Variants in TMEM41A observed in about 807,000 individuals in gnomAD.
TMEM41A encodes the protein transmembrane protein 41A.
A neutral mutation model predicts 25.7 loss-of-function variants in TMEM41A; 20 were observed. The observed-to-expected ratio is 0.78, with a 90% CI of 0.55 to 1.13. The LOEUF (loss-of-function observed/expected upper bound fraction) is 1.13, where lower values mean the gene tolerates loss of function less well. Ranked by LOEUF, TMEM41A falls within the 50% of genes most tolerant of loss-of-function variation. TMEM41A has a pLI of 0.00. For missense variants in TMEM41A, 299 were observed against 314.3 expected, an observed-to-expected ratio of 0.95 and a Z score of 0.37; for synonymous variants, 133 against 139.6, an observed-to-expected ratio of 0.95 and a Z score of 0.33.
intron 4 of TMEM41A, 39 bp from the exon 5 acceptor site, chr3:185,491,796 C>A: frequency 1.3e-6 from 2 of 1,481,760 alleles, no homozygotes; most frequent in Non-Finnish European, 1.8e-6. Flanking sequence ...TTACAAGCAG[C>A]AGCAAAATTA....
chr3:185,496,475 G>A (rs984459628), intron 2 of TMEM41A: 6 of 350,384 alleles, frequency 1.7e-5, no homozygotes, highest in Non-Finnish European at 2.8e-5. Context: ...ACACAGGGCA[G>A]CCTCAAGGAG....
intron 3 of TMEM41A, 90 bp downstream of exon 3, chr3:185,495,064 G>T: frequency 6.8e-7 from 1 of 1,479,382 alleles, no homozygotes. Flanking sequence ...GAAGAGTACT[G>T]TGGGAAATCC....
At chr3:185,498,752 G>A (rs1719186764) in intron 1 of TMEM41A, 91 bp downstream of exon 1, 3 of 984,662 alleles carry the variant, frequency 3.0e-6, no homozygotes, top group Admixed American at 2.9e-5. Context: ...CTCCGATACC[G>A]GAACCCGAAT....
chr3:185,498,874 T>C lies in TMEM41A; in HGVS notation c.88A>G (p.Arg30Gly). The C allele has an allele frequency of 1.2e-6, 2 of 1,605,382 alleles. No individual in the cohort carries two copies. Among genetic ancestry groups the C allele is most frequent in the Non-Finnish European group, 1.7e-6 (2 of 1,176,962 alleles). The change falls in exon 1 of 5, where the codon AGA (arginine) becomes GGA (glycine). Residue 30 changes from arginine (R) to glycine (G), a missense_variant. Coordinates refer to ENST00000421852, the MANE Select transcript of TMEM41A (RefSeq NM_080652.4). ...CCAGCCTCCTCGGTGGAGCCCAGTCTCCGCCCGCGGGGCAGTCGCGTCGAC... is the reference window on the plus strand; with the variant it reads ...CCAGCCTCCTCGGTGGAGCCCAGTCCCCGCCCGCGGGGCAGTCGCGTCGAC... ...LLSTRLPRGR[R>G]LGSTEEAGGR...
rs1284692077 is a variant in TMEM41A at position 185,490,317 on chromosome 3, T to C, written c.*1220A>G. 1.3e-5 allele frequency: 2 copies of C among 152,200 alleles called. No homozygotes were observed. Among genetic ancestry groups the C allele is most frequent in the African/African-American group, 4.8e-5 (2 of 41,452 alleles). The allele number at this position is 152,200 out of a possible 1,614,324, so 9.4% of individuals were successfully genotyped here. A position where few individuals can be genotyped will look rare whatever the true frequency, so the allele number is the denominator to read the frequency against. On this transcript the variant is annotated 3_prime_UTR_variant, in exon 5 of 5. Coordinates refer to ENST00000421852, the MANE Select transcript of TMEM41A (RefSeq NM_080652.4). ...TAGTTACTCTAAGCAAATACAACAA[T>C]GAAAAACATTCAGAGGGTATACTGC...
rs35618570 is a variant in TMEM41A at position 185,494,699 on chromosome 3, T to C, written c.498A>G (p.Thr166=). Residue 166 remains threonine (T), a synonymous_variant, in exon 4 of 5, where the codon ACA becomes ACG. Transcript: ENST00000421852. ...CCGAGAGGTTCAAGAACCAGTTTGGTGTCATGGGGAAAAGTCTCAAAAACA... is the reference window on the plus strand; with the variant it reads ...CCGAGAGGTTCAAGAACCAGTTTGGCGTCATGGGGAAAAGTCTCAAAAACA... ...FLLFLRLFPM[T]PNWFLNLSAP... is the part of the protein sequence containing the mutation. 3.4e-5 allele frequency: 55 copies of C among 1,613,212 alleles called. No individual in the cohort carries two copies. The African/African-American group carries it at 5.1e-4, about 15-fold the overall frequency.
In TMEM41A at chr3:185,494,648, C is replaced by A. The variant is rs1277429976; in HGVS notation, c.549G>T (p.Val183=). The change falls in exon 4 of 5, where the codon GTG becomes GTT. Residue 183 remains valine, a synonymous_variant. Transcript: ENST00000421852. ...LSAPILNIPI[V]QFFFSVLIGL... The stretch of plus-strand genomic sequence containing the variant: ...CGATAAGAACTGAGAAGAAGAACTG[C>A]ACGATGGGAATGTTCAGAATTGGGG... 1.9e-6 allele frequency: 3 copies of A among 1,609,708 alleles called. No individual in the cohort carries two copies. The highest frequency in any genetic ancestry group is 2.2e-5 in the East Asian group (1 of 44,746).
chr3:185,498,800 C>T (rs1291286254), intron 1 of TMEM41A, 43 bp downstream of exon 1: 1 of 1,447,898 alleles, frequency 6.9e-7, no homozygotes, highest in Admixed American at 2.3e-5. Flanking sequence ...TCCTCGGACC[C>T]GGCTCCCTTC....
Position 185,495,034 on chromosome 3 carries a change from G to A in TMEM41A, c.435+120C>T, listed in dbSNP as rs1293293091. 7.2e-6 allele frequency: 9 copies of A among 1,257,862 alleles called. No homozygotes were observed. The East Asian group carries it at 1.9e-4, about 26-fold the overall frequency. The allele number at this position is 1,257,862 out of a possible 1,614,324, so 77.9% of individuals were successfully genotyped here. On this transcript the variant is annotated intron_variant, in intron 3 of 4. Coordinates refer to ENST00000421852, the MANE Select transcript of TMEM41A (RefSeq NM_080652.4). ...CCTGAAGACATCAAAAGAACCCCTAGGACCTCCTGAAACAGCGTGGAAGAG... is the reference window on the plus strand; with the variant it reads ...CCTGAAGACATCAAAAGAACCCCTAAGACCTCCTGAAACAGCGTGGAAGAG...
At chr3:185,493,801 A>T (rs1361382855) in intron 4 of TMEM41A, 1 of 152,212 alleles carries the variant, frequency 6.6e-6, no homozygotes, top group Non-Finnish European at 1.5e-5. Context: ...TCAACCTCCC[A>T]AAGTGCTGGG....
intron 2 of TMEM41A, chr3:185,495,535 G>A (rs995967159): frequency 5.3e-6 from 3 of 564,838 alleles, no homozygotes; most frequent in African/African-American, 3.8e-5. Flanking sequence ...CGAACTCCTG[G>A]ACTCAAGCGA....
Position 185,498,848 on chromosome 3 carries a change from T to TCCAGCCTCCTCGGTGGAGC in TMEM41A, c.95_113dup (p.Gly39LeufsTer24). 6.3e-7 allele frequency: 1 copy of TCCAGCCTCCTCGGTGGAGC among 1,595,594 alleles called. No individual in the cohort carries two copies. The highest frequency in any genetic ancestry group is 8.5e-7 in the Non-Finnish European group (1 of 1,173,362). The stretch of plus-strand genomic sequence containing the variant: ...CCCGGATTCCCGCCACGCACCTGCC[T>TCCAGCCTCCTCGGTGGAGC]CCAGCCTCCTCGGTGGAGCCCAGTC... On this transcript the variant is annotated frameshift_variant, in exon 1 of 5. Transcript: ENST00000421852.
chr3:185,491,396 C>T lies in TMEM41A; in HGVS notation c.*141G>A. ...CACCTTCAAGAGCAGAGTGTCCTTT[C>T]TGAAAAGACACTGCACATTGATGCA... On this transcript the variant is annotated 3_prime_UTR_variant, in exon 5 of 5. Coordinates refer to ENST00000421852, the MANE Select transcript of TMEM41A (RefSeq NM_080652.4). 1.5e-6 allele frequency: 1 copy of T among 662,532 alleles called. No individual in the cohort carries two copies. Among genetic ancestry groups the T allele is most frequent in the Admixed American group, 2.7e-5 (1 of 36,968 alleles). 41.0% of individuals were successfully genotyped at this position (662,532 alleles called of 1,614,324 possible).
At chr3:185,498,447 C>T (rs1173230559) in intron 1 of TMEM41A, 1 of 188,746 alleles carries the variant, frequency 5.3e-6, no homozygotes, top group Non-Finnish European at 1.1e-5. Flanking sequence ...TGAAAGTGGA[C>T]TTGAAGAGGC....
chr3:185,496,980 A>G lies in TMEM41A; in HGVS notation c.121T>C (p.Ser41Pro), dbSNP rs1037875028. 2.5e-6 allele frequency: 4 copies of G among 1,592,226 alleles called. No homozygotes were observed. The African/African-American group carries it at 5.4e-5, about 21-fold the overall frequency. Residue 41 changes from serine to proline, a missense_variant and splice_region_variant, in exon 2 of 5, where the codon TCG becomes CCG. Transcript: ENST00000421852. ...GCCAGGTCGGAGGGGAACCACAGCG[A>G]CCTGGGGATTTGGAAAAGCAGATGG... ...LGSTEEAGGR[S>P]LWFPSDLAEL... is the part of the protein sequence containing the mutation.
At chr3:185,495,067 G>T in intron 3 of TMEM41A, 87 bp downstream of exon 3, 1 of 1,498,432 alleles carries the variant, frequency 6.7e-7, no homozygotes, top group Non-Finnish European at 9.1e-7. Flanking sequence ...GAGTACTGTG[G>T]GAAATCCCTG....
intron 1 of TMEM41A, 55 bp downstream of exon 1, chr3:185,498,788 G>A: frequency 1.5e-6 from 2 of 1,326,942 alleles, no homozygotes; most frequent in South Asian, 1.4e-5. Flanking sequence ...TCCCAGCCCC[G>A]GTCCTCGGAC....
chr3:185,495,412 T>C, intron 2 of TMEM41A, 97 bp from the exon 3 acceptor site: 1 of 1,215,274 alleles, frequency 8.2e-7, no homozygotes, highest in Non-Finnish European at 1.1e-6. Context: ...CCTCCTTCAC[T>C]GCTTTTTTCC....
At chr3:185,495,118 G>C (rs1719063638) in intron 3 of TMEM41A, 36 bp downstream of exon 3, 1 of 1,609,712 alleles carries the variant, frequency 6.2e-7, no homozygotes, top group Non-Finnish European at 8.5e-7. Context: ...GCGACTGTCT[G>C]GGGTCCCAGC....
Sources: allele counts gnomAD v4.1 joint callset, GRCh38; gene constraint gnomAD v4.1.1; transcripts MANE v1.5; gene names NCBI Gene and HGNC (gene_info 2026-07-23, HGNC 2026-07-21).